NHSL1: variants seen among roughly 807,000 people sequenced by gnomAD.
NHSL1 encodes the protein NHS like 1.
A neutral mutation model predicts 95.0 loss-of-function variants in NHSL1; 48 were observed. The ratio of observed to expected loss-of-function variants is 0.51; its 90% CI spans 0.40 to 0.64. NHSL1 has a LOEUF of 0.64. Among genes scored for constraint, NHSL1 ranks in the 30% least tolerant of loss-of-function variants. The pLI, the probability that NHSL1 is intolerant of heterozygous loss-of-function variation, is 0.00. For synonymous variants in NHSL1, 783 were observed against 833.9 expected (o/e 0.94, Z 1.05); for missense variants, 1,971 against 2,077.7 (o/e 0.95, Z 1.00).
At chr6:138,617,091 G>A (rs188718625) in intron 1 of NHSL1, among the ~76,000 whole-genome samples, 39 of 152,268 alleles carry the variant, frequency 2.6e-4, no homozygotes, top group African/African-American at 9.1e-4. Context: ...AGCAAATCAT[G>A]AGCAACTATA....
At chr6:138,590,303 A>G (rs1784206384) in intron 1 of NHSL1, among the ~76,000 whole-genome samples, 1 of 152,076 alleles carries the variant, frequency 6.6e-6, no homozygotes, top group Non-Finnish European at 1.5e-5. Context: ...CGGCCTACTC[A>G]TACCTTTCAT....
At chr6:138,608,288 A>G (rs1205884815) in intron 1 of NHSL1, among the ~76,000 whole-genome samples, 1 of 152,256 alleles carries the variant, frequency 6.6e-6, no homozygotes, top group East Asian at 1.9e-4. Flanking sequence ...AAAGGAAGTC[A>G]GTTTCCAACG....
At chr6:138,552,858 GATTTT>G (rs1783059245) in intron 1 of NHSL1, among the ~76,000 whole-genome samples, 1 of 152,194 alleles carries the variant, frequency 6.6e-6, no homozygotes, top group Non-Finnish European at 1.5e-5. Flanking sequence ...GCAGAAAGGA[GATTTT>G]ATTATGGAAC....
At chr6:138,517,149 G>A (rs1781493551) in intron 1 of NHSL1, among the ~76,000 whole-genome samples, 1 of 152,180 alleles carries the variant, frequency 6.6e-6, no homozygotes, top group African/African-American at 2.4e-5. Flanking sequence ...CCTCTCTTAA[G>A]TGTGTTACCT....
In NHSL1 at chr6:138,423,094, TAAAAAAAAA is replaced by T. The variant is rs35133107; in HGVS notation, c.*978_*986del. 1 of 129,946 alleles carries T rather than the reference TAAAAAAAAA, an allele frequency of 7.7e-6. No homozygotes were observed. Among genetic ancestry groups the T allele is most frequent in the Non-Finnish European group, 1.6e-5 (1 of 62,760 alleles). 8.0% of individuals were successfully genotyped at this position (129,946 alleles called of 1,614,324 possible). ...GCCTAATGGAAGTTTAAACTCTGGT[TAAAAAAAAA>T]AAAAAAAAAAAACTGTTGTAAAAGG... On this transcript the variant is annotated 3_prime_UTR_variant, in exon 8 of 8. Coordinates refer to ENST00000343505, the MANE Select transcript of NHSL1 (RefSeq NM_001144060.2).
chr6:138,479,492 G>A (rs1483697624), intron 2 of NHSL1, among the ~76,000 whole-genome samples: 2 of 152,234 alleles, frequency 1.3e-5, no homozygotes, highest in Non-Finnish European at 2.9e-5. Context: ...GACGGGCAGT[G>A]TCTGCAGCGT....
chr6:138,424,617 G>A lies in NHSL1; in HGVS notation c.4285C>T (p.Arg1429Cys). Residue 1429 changes from arginine (R) to cysteine (C), a missense_variant, in exon 8 of 8, where the codon CGT (arginine) becomes TGT (cysteine). By Grantham distance (180) the Arg-to-Cys change is radical (BLOSUM62 -3). Coordinates refer to ENST00000343505, the MANE Select transcript of NHSL1 (RefSeq NM_001144060.2). The surrounding 1 kb of genome is among the most constrained non-coding windows in gnomAD (Gnocchi z 5.9). ...GACATGCGGGCGCTGGTGTCTGAACGACTGCCCTTTTTCAGCAGCAGAGCT... is the reference window on the plus strand; with the variant it reads ...GACATGCGGGCGCTGGTGTCTGAACAACTGCCCTTTTTCAGCAGCAGAGCT... ...FKALLLKKGS[R>C]SDTSARMSAA... 6.4e-7 allele frequency: 1 copy of A among 1,551,590 alleles called. No homozygotes were observed. Among genetic ancestry groups the A allele is most frequent in the Non-Finnish European group, 8.7e-7 (1 of 1,146,970 alleles).
At chr6:138,429,980 T>A (rs903172763) in intron 6 of NHSL1, 137 bp from the exon 7 acceptor site, 4 of 845,778 alleles carry the variant, frequency 4.7e-6, no homozygotes, top group Admixed American at 3.1e-5. Flanking sequence ...GTCTGTAGTT[T>A]GATAGTTTAC....
At chr6:138,564,242 T>TG (rs2114340346) in intron 1 of NHSL1, among the ~76,000 whole-genome samples, 1 of 152,336 alleles carries the variant, frequency 6.6e-6, no homozygotes, top group South Asian at 2.1e-4. Flanking sequence ...ACCTATAACT[T>TG]GGACTTCTGA....
chr6:138,515,426 T>C (rs1482368851), intron 1 of NHSL1, among the ~76,000 whole-genome samples: 1 of 152,148 alleles, frequency 6.6e-6, no homozygotes, highest in Non-Finnish European at 1.5e-5. Flanking sequence ...AAGACAACTT[T>C]CTCTTATGAA....
At position 138,488,255 on chromosome 6, in the gene NHSL1, G is replaced by A. The variant is rs146599995; in HGVS notation, c.211+7964C>T. Among the ~76,000 whole-genome samples, 380 of 151,342 alleles carry A rather than the reference G, an allele frequency of 2.5e-3. 3 individuals carry two copies. The highest frequency in any genetic ancestry group is 9.0e-3 in the African/African-American group (367 of 40,920). ...ATCACACCACTGCACTCCAGCCTGG[G>A]CACCAGAGCAAGACTCTGTCTCAAA... On this transcript the variant is annotated intron_variant, in intron 2 of 7. Coordinates refer to ENST00000343505, the MANE Select transcript of NHSL1 (RefSeq NM_001144060.2).
At chr6:138,609,749 C>CAAAAAAAAAAAAAAAAAA (rs10687521) in intron 1 of NHSL1, among the ~76,000 whole-genome samples, 2 of 106,220 alleles carry the variant, frequency 1.9e-5, no homozygotes, top group African/African-American at 7.1e-5. Context: ...GACTCTGTCT[C>CAAAAAAAAAAAAAAAAAA]AAAAAAAAAA....
At chr6:138,622,203 G>A (rs745742584) in intron 1 of NHSL1, among the ~76,000 whole-genome samples, 51 of 152,172 alleles carry the variant, frequency 3.4e-4, no homozygotes, top group Non-Finnish European at 1.2e-4. Flanking sequence ...CATAGGTAAA[G>A]ATTAACAATA....
At chr6:138,461,957 A>T (rs2128235427) in intron 3 of NHSL1, among the ~76,000 whole-genome samples, 1 of 152,320 alleles carries the variant, frequency 6.6e-6, no homozygotes, top group African/African-American at 2.4e-5. Flanking sequence ...CTGAGTGCCT[A>T]CTGTGTGCCA....
intron 1 of NHSL1, among the ~76,000 whole-genome samples, chr6:138,658,839 G>A (rs1785189323): frequency 6.6e-6 from 1 of 152,114 alleles, no homozygotes; most frequent in Admixed American, 6.5e-5. Flanking sequence ...GAGCTAGTAG[G>A]AAGGAGATGG....
intron 3 of NHSL1, among the ~76,000 whole-genome samples, chr6:138,449,223 AG>A (rs1240279604): frequency 4.6e-5 from 7 of 152,232 alleles, no homozygotes; most frequent in African/African-American, 1.7e-4. Flanking sequence ...TGTTGGCGAT[AG>A]GGCCCTAGAC....
rs554276140 is a variant in NHSL1 at position 138,540,860 on chromosome 6, GA to G, written c.16+4762del. On this transcript the variant is annotated intron_variant, in intron 1 of 4. Coordinates refer to the NHSL1 transcript ENST00000342260. ...AGAATTCACCACTTTTCTGCTCCATGAAACTAGATTTCTACCTCTTGGAAGA... is the reference window on the plus strand; with the variant it reads ...AGAATTCACCACTTTTCTGCTCCATGAACTAGATTTCTACCTCTTGGAAGA... 1.3e-5 allele frequency among the ~76,000 whole-genome samples: 2 copies of G among 152,290 alleles called. 1 individual carries two copies. The highest frequency in any genetic ancestry group is 4.2e-4 in the South Asian group (2 of 4,818).
chr6:138,680,084 T>C (rs2114782731), intron 1 of NHSL1, among the ~76,000 whole-genome samples: 1 of 152,334 alleles, frequency 6.6e-6, no homozygotes, highest in East Asian at 1.9e-4. Flanking sequence ...CGGCATACTT[T>C]GTAAGACTGA....
chr6:138,659,539 T>C (rs1053579444), intron 1 of NHSL1, among the ~76,000 whole-genome samples: 3 of 152,136 alleles, frequency 2.0e-5, no homozygotes, highest in African/African-American at 7.2e-5. Flanking sequence ...GTTGAAAGAA[T>C]GATGCTCTAA....
Sources: gnomAD v4.1 joint callset for allele counts (sites outside exome capture counted in the v4.1 genomes callset) on GRCh38, gnomAD v4.1.1 for gene constraint, Gnocchi (gnomAD v3.1) non-coding constraint, MANE v1.5 for transcripts, NCBI Gene and HGNC (gene_info 2026-07-23, HGNC 2026-07-21) for gene names.